LBR: variants seen among roughly 807,000 people sequenced by gnomAD.
LBR encodes delta(14)-sterol reductase LBR.
In LBR, 28 loss-of-function variants were observed where a neutral mutation model predicts 74.3. The ratio of observed to expected loss-of-function variants is 0.38; its 90% CI spans 0.28 to 0.52. The LOEUF is 0.52. LBR is among the 20% of genes least tolerant of loss of function. The pLI is 0.89. For synonymous variants in LBR, 228 were observed against 269.3 expected (o/e 0.85, Z 1.50); for missense variants, 717 against 760.3 (o/e 0.94, Z 0.67).
chr1:225,424,011 T>C lies in LBR; in HGVS notation c.65A>G (p.Tyr22Cys), dbSNP rs768631027. 4 of 1,614,122 alleles carry C rather than the reference T, an allele frequency of 2.5e-6. No homozygotes were observed. The highest frequency in any genetic ancestry group is 2.2e-5 in the East Asian group (1 of 44,884). ...VRGRWPGSSL[Y>C]YEVEILSHDS... ...GTGGCTCAGAATTTCTACTTCATAATAAAGTGAACTCCCAGGCCATCGACC... is the reference window on the plus strand; with the variant it reads ...GTGGCTCAGAATTTCTACTTCATAACAAAGTGAACTCCCAGGCCATCGACC... Residue 22 changes from tyrosine (Y) to cysteine (C), a missense_variant, in exon 2 of 14, where the codon TAT (tyrosine) becomes TGT (cysteine). By Grantham distance (194) the Tyr-to-Cys change is radical. Transcript: ENST00000272163.
chr1:225,409,387 T>C (rs1400939771), intron 10 of LBR, among the ~76,000 whole-genome samples: 5 of 152,224 alleles, frequency 3.3e-5, no homozygotes, highest in Non-Finnish European at 7.3e-5. Flanking sequence ...CTCTGCAATT[T>C]TGCATAGAAG....
At chr1:225,428,641 G>A (rs1369947723), upstream of LBR, 1 of 152,118 alleles carries the variant, frequency 6.6e-6, no homozygotes, top group African/African-American at 2.4e-5. Flanking sequence ...AAGCGAACCC[G>A]GACCGATGCT....
chr1:225,415,368 C>T, intron 6 of LBR, 36 bp from the exon 7 acceptor site: 1 of 1,126,402 alleles, frequency 8.9e-7, no homozygotes, highest in Non-Finnish European at 1.3e-6. Context: ...TTACTAAGCA[C>T]ATCACCATCA....
In LBR at chr1:225,403,202, AC is replaced by A. The variant is rs34846453; in HGVS notation, c.*100del. 1 of 1,118,348 alleles carries A rather than the reference AC, an allele frequency of 8.9e-7. No individual in the cohort carries two copies. Among genetic ancestry groups the A allele is most frequent in the Non-Finnish European group, 1.4e-6 (1 of 732,050 alleles). The allele number at this position is 1,118,348 out of a possible 1,614,324, so 69.3% of individuals were successfully genotyped here. A position where few individuals can be genotyped will look rare whatever the true frequency, so the allele number is the denominator to read the frequency against. On this transcript the variant is annotated 3_prime_UTR_variant, in exon 14 of 14. Transcript: ENST00000272163. ...CTCAAAAAGAAAAAAAAAAGTACAGACCCTGTCAGTGCAACAAAAGAAAGTT... is the reference window on the plus strand; with the variant it reads ...CTCAAAAAGAAAAAAAAAAGTACAGACCTGTCAGTGCAACAAAAGAAAGTT...
chr1:225,415,764 G>C (rs915390129), intron 6 of LBR, among the ~76,000 whole-genome samples: 1 of 151,932 alleles, frequency 6.6e-6, no homozygotes, highest in Non-Finnish European at 1.5e-5. Context: ...TTTCAATTGG[G>C]CTCTACCCTG....
At position 225,403,265 on chromosome 1, in the gene LBR, G is replaced by A; in HGVS notation, c.*38C>T. On this transcript the variant is annotated 3_prime_UTR_variant, in exon 14 of 14. Transcript: ENST00000272163. Reference sequence around the variant, plus strand: ...TCCTTGTTTTTGCAAATGGCAGCTGGAATTGCAGGAGTATTTTGTAGAAAA... The same window carrying A: ...TCCTTGTTTTTGCAAATGGCAGCTGAAATTGCAGGAGTATTTTGTAGAAAA... The A allele has an allele frequency of 1.3e-6, 2 of 1,597,344 alleles. No individual in the cohort carries two copies.
At chr1:225,427,039 C>T (rs989155639) in intron 1 of LBR, among the ~76,000 whole-genome samples, 3 of 152,216 alleles carry the variant, frequency 2.0e-5, no homozygotes, top group Non-Finnish European at 4.4e-5. Context: ...GTGCAAGGTC[C>T]CCGGGGGCCT....
intron 2 of LBR, 41 bp from the exon 3 acceptor site, chr1:225,422,318 A>C (rs1173906506): frequency 6.6e-7 from 1 of 1,518,672 alleles, no homozygotes; most frequent in Non-Finnish European, 9.1e-7. Context: ...ACCACAAATC[A>C]TAACACATAC....
Position 225,422,117 on chromosome 1 carries a change from G to A in LBR, c.326C>T (p.Ala109Val), listed in dbSNP as rs568717962. 23 of 1,613,984 alleles carry A rather than the reference G, an allele frequency of 1.4e-5. No homozygotes were observed. Among genetic ancestry groups the A allele is most frequent in the Non-Finnish European group, 1.9e-5 (22 of 1,180,034 alleles). The change falls in exon 3 of 14, where the codon GCA becomes GTA. Residue 109 changes from alanine to valine, a missense_variant. Coordinates refer to ENST00000272163, the MANE Select transcript of LBR (RefSeq NM_002296.4). ...CAATTTAACTTCCACTTCCCTCCTTGCTTCCTTAATGTCGGCCTGGTGGGA... is the reference window on the plus strand; with the variant it reads ...CAATTTAACTTCCACTTCCCTCCTTACTTCCTTAATGTCGGCCTGGTGGGA... ...SASHQADIKEARREVEVKLTP... is the reference protein window; with the variant it reads ...SASHQADIKEVRREVEVKLTP...
At position 225,419,338 on chromosome 1, in the gene LBR, C is replaced by T. The variant is rs1196056286; in HGVS notation, c.565G>A (p.Ala189Thr). The T allele has an allele frequency of 1.2e-5, 19 of 1,614,104 alleles. No homozygotes were observed. Among genetic ancestry groups the T allele is most frequent in the African/African-American group, 5.3e-5 (4 of 74,942 alleles). Reference protein sequence around the residue: ...EIDSKEEKYVAKELAVRTFEV... With the variant: ...EIDSKEEKYVTKELAVRTFEV... Reference sequence around the variant, plus strand: ...AAGGTTCTCACTGCCAGTTCTTTTGCAACGTATTTTTCTTCCTTAGAATCT... The same window carrying T: ...AAGGTTCTCACTGCCAGTTCTTTTGTAACGTATTTTTCTTCCTTAGAATCT... Residue 189 changes from alanine to threonine, a missense_variant, in exon 5 of 14, where the codon GCA becomes ACA. Physicochemically the swap from Ala to Thr is moderately conservative, Grantham distance 58 (BLOSUM62 0). Transcript: ENST00000272163.
chr1:225,421,631 C>A (rs1184218153), intron 3 of LBR, among the ~76,000 whole-genome samples: 2 of 152,250 alleles, frequency 1.3e-5, no homozygotes, highest in African/African-American at 4.8e-5. Flanking sequence ...AGGCTCCATG[C>A]ACCCTGATAT....
chr1:225,424,131 C>A, intron 1 of LBR, 42 bp from the exon 2 acceptor site: 1 of 1,392,848 alleles, frequency 7.2e-7, no homozygotes, highest in East Asian at 2.3e-5. Context: ...AATACATACA[C>A]ATTTATGTAT....
In LBR at chr1:225,404,310, C is replaced by T. The variant is rs76951153; in HGVS notation, c.1687+94G>A. 2.3e-3 allele frequency: 3,668 copies of T among 1,564,546 alleles called. 67 individuals carry two copies. In the African/African-American group the frequency reaches 0.041, roughly 18 times the overall value. The stretch of plus-strand genomic sequence containing the variant: ...GAAAAGGGCGACAAAAAGACTCACA[C>T]CCACCTTGGCCACACTGTCCCACAC... On this transcript the variant is annotated intron_variant, in intron 13 of 13. Transcript: ENST00000272163.
chr1:225,425,228 G>A (rs987721853), intron 1 of LBR, among the ~76,000 whole-genome samples: 6 of 152,104 alleles, frequency 3.9e-5, no homozygotes, highest in Admixed American at 3.9e-4. Context: ...AGAGTGGGGG[G>A]GGAGGCGGGG....
chr1:225,411,960 C>A (rs908528845), intron 8 of LBR, among the ~76,000 whole-genome samples: 1 of 152,172 alleles, frequency 6.6e-6, no homozygotes, highest in Non-Finnish European at 1.5e-5. Context: ...TAGGTGTGCA[C>A]CACCACGCCC....
rs772541615 is a variant in LBR, at chr1:225,402,586, G to A, written c.*717C>T. ...TTTACAAAATTTTATTTAAAATACT[G>A]AAAATGTTTTGTTAAAAAGACAGTT... On this transcript the variant is annotated 3_prime_UTR_variant, in exon 14 of 14. Coordinates refer to ENST00000272163, the MANE Select transcript of LBR (RefSeq NM_002296.4). 3 of 152,394 alleles carry A rather than the reference G, an allele frequency of 2.0e-5. No homozygotes were observed. The highest frequency in any genetic ancestry group is 2.9e-5 in the Non-Finnish European group (2 of 67,966). The allele number at this position is 152,394 out of a possible 1,614,324, so 9.4% of individuals were successfully genotyped here. A position where few individuals can be genotyped will look rare whatever the true frequency, so the allele number is the denominator to read the frequency against.
rs2096143881 is a variant in LBR, at chr1:225,427,967, C to G, written c.-28G>C. Reference sequence around the variant, plus strand: ...GGAAGCACTCACCTGCGCCAGGTTCCGGCGGTGACACGGACGGCTCCCGGA... The same window carrying G: ...GGAAGCACTCACCTGCGCCAGGTTCGGGCGGTGACACGGACGGCTCCCGGA... On this transcript the variant is annotated 5_prime_UTR_variant, in exon 1 of 14. Transcript: ENST00000272163. 6.6e-6 allele frequency: 1 copy of G among 152,154 alleles called. No individual in the cohort carries two copies. The highest frequency in any genetic ancestry group is 2.4e-5 in the African/African-American group (1 of 41,422). The allele number at this position is 152,154 out of a possible 1,614,324, so 9.4% of individuals were successfully genotyped here. A position where few individuals can be genotyped will look rare whatever the true frequency, so the allele number is the denominator to read the frequency against.
At position 225,424,042 on chromosome 1, in the gene LBR, C is replaced by T. The variant is rs766117275; in HGVS notation, c.34G>A (p.Val12Ile). The change falls in exon 2 of 14, where the codon GTA (valine) becomes ATA (isoleucine). Residue 12 changes from valine to isoleucine, a missense_variant. By Grantham distance (29) the Val-to-Ile change is conservative. Coordinates refer to ENST00000272163, the MANE Select transcript of LBR (RefSeq NM_002296.4). ...GAACTCCCAGGCCATCGACCTCTTACCACTTCACCATCGGCAAATTTCCTA... is the reference window on the plus strand; with the variant it reads ...GAACTCCCAGGCCATCGACCTCTTATCACTTCACCATCGGCAAATTTCCTA... ...PSRKFADGEV[V>I]RGRWPGSSLY... The T allele has an allele frequency of 1.2e-6, 2 of 1,614,164 alleles. No homozygotes were observed. The highest frequency in any genetic ancestry group is 2.2e-5 in the East Asian group (1 of 44,886).
chr1:225,407,107 C>A (rs1427476774), intron 10 of LBR, among the ~76,000 whole-genome samples: 1 of 152,076 alleles, frequency 6.6e-6, no homozygotes. Flanking sequence ...CCTCTGCTGA[C>A]AACCCCTCCT....
Sources: gnomAD v4.1 joint callset for allele counts (sites outside exome capture counted in the v4.1 genomes callset) on GRCh38, gnomAD v4.1.1 for gene constraint, MANE v1.5 for transcripts, NCBI Gene and HGNC (gene_info 2026-07-23, HGNC 2026-07-21) for gene names.